Variants in LOC101059915 observed in about 807,000 individuals in gnomAD.
the LOC101059915 span, chrX:71,670,380 G>T: frequency 8.6e-6 from 10 of 1,162,057 alleles, no homozygotes; most frequent in African/African-American, 1.8e-5. Context: ...ACACTAGATG[G>T]TGGGATCCAT....
the LOC101059915 span, chrX:71,669,453 A>G: frequency 7.4e-6 from 5 of 676,514 alleles, no homozygotes; most frequent in African/African-American, 1.2e-4. Context: ...TGAGGGAGAA[A>G]GTGTTAATAA....
the LOC101059915 span, chrX:71,671,321 G>T: frequency 2.9e-6 from 3 of 1,052,375 alleles, no homozygotes; most frequent in Non-Finnish European, 3.8e-6. Context: ...CACCCTGGCT[G>T]GGGGCCCATC....
chrX:71,670,470 A>G, the LOC101059915 span: 2 of 1,097,035 alleles, frequency 1.8e-6, no homozygotes, highest in Non-Finnish European at 2.4e-6. Flanking sequence ...CCTCCTTTCC[A>G]TTGAGGGTTT....
At chrX:71,670,140 A>G in the LOC101059915 span, 1,260 of 932,006 alleles carry the variant, frequency 1.4e-3, 4 homozygotes, top group South Asian at 7.4e-3. Flanking sequence ...TGGAGATGCT[A>G]GGCAGAGCAG....
At chrX:71,668,475 T>G in the LOC101059915 span, 1 of 1,155,630 alleles carries the variant, frequency 8.7e-7, no homozygotes, top group Non-Finnish European at 1.2e-6. Flanking sequence ...GGGTGATCAT[T>G]AGCACCAAAG....
At chrX:71,669,769 C>G in the LOC101059915 span, 1 of 941,562 alleles carries the variant, frequency 1.1e-6, no homozygotes, top group Non-Finnish European at 1.3e-6. Context: ...GGAGGGAAAC[C>G]TCTGGCTCTG....
At chrX:71,667,686 C>G in the LOC101059915 span, 1 of 792,677 alleles carries the variant, frequency 1.3e-6, no homozygotes, top group East Asian at 4.3e-5. Context: ...AATTCGCTCT[C>G]AGGCTCAAAG....
At chrX:71,669,128 C>T in the LOC101059915 span, 1 of 1,021,250 alleles carries the variant, frequency 9.8e-7, no homozygotes, top group East Asian at 3.5e-5. Context: ...CACCTCTCTT[C>T]CAGCACACGC....
chrX:71,668,132 C>A, the LOC101059915 span: 1 of 1,138,348 alleles, frequency 8.8e-7, no homozygotes, highest in Non-Finnish European at 1.2e-6. Context: ...GATGAGCCAG[C>A]CACCATCATG....
At chrX:71,668,395 G>T in the LOC101059915 span, 1 of 1,154,735 alleles carries the variant, frequency 8.7e-7, no homozygotes. Context: ...GCCCTCCGCG[G>T]AAGGCCCCGC....
the LOC101059915 span, chrX:71,668,605 C>G: frequency 9.2e-7 from 1 of 1,089,785 alleles, no homozygotes. Flanking sequence ...CTCTCCTCCC[C>G]GCAGACTCAC....
the LOC101059915 span, chrX:71,669,666 C>T: frequency 3.1e-6 from 3 of 971,055 alleles, no homozygotes; most frequent in East Asian, 8.2e-5. Context: ...CCTCACAGCC[C>T]TCGGCCTTTA....
chrX:71,668,834 G>C, the LOC101059915 span: 1 of 1,084,979 alleles, frequency 9.2e-7, no homozygotes, highest in Non-Finnish European at 1.2e-6. Flanking sequence ...TTTCCTGCCT[G>C]GGGGCAGAGA....
chrX:71,668,893 G>T, the LOC101059915 span: 116 of 1,113,507 alleles, frequency 1.0e-4, no homozygotes, highest in East Asian at 3.8e-3. Flanking sequence ...AGTGTCTGGC[G>T]TGGGGCTCCT....
the LOC101059915 span, chrX:71,671,190 C>G: frequency 8.6e-7 from 1 of 1,165,067 alleles, no homozygotes; most frequent in South Asian, 1.9e-5. Flanking sequence ...GTACCCAGTT[C>G]TGTCTCTCTG....
the LOC101059915 span, chrX:71,669,599 G>T: frequency 1.0e-6 from 1 of 963,504 alleles, no homozygotes; most frequent in Non-Finnish European, 1.3e-6. Context: ...CTGTCCGTGC[G>T]TCGTGGAGAA....
the LOC101059915 span, chrX:71,670,833 C>G: frequency 3.3e-5 from 25 of 754,215 alleles, no homozygotes; most frequent in Non-Finnish European, 3.9e-5. Context: ...GGGGTGTGCA[C>G]AGACAGCAAT....
the LOC101059915 span, chrX:71,670,203 C>T: frequency 1.7e-5 from 20 of 1,155,045 alleles, no homozygotes; most frequent in Middle Eastern, 2.7e-4. Flanking sequence ...GACCCTGCTA[C>T]GCCCTTTCCA....
the LOC101059915 span, chrX:71,668,132 C>T: frequency 4.4e-6 from 5 of 1,138,347 alleles, no homozygotes; most frequent in Non-Finnish European, 5.8e-6. Context: ...GATGAGCCAG[C>T]CACCATCATG....
Sources: gnomAD v4.1 joint callset for allele counts on GRCh38, gnomAD v4.1.1 for gene constraint, MANE v1.5 for transcripts.